Variants in SLC24A3 observed in about 807,000 individuals in gnomAD.
The protein encoded by SLC24A3 is solute carrier family 24 member 3, also known as sodium/potassium/calcium exchanger 3.
In SLC24A3, 28 loss-of-function variants were observed where a neutral mutation model predicts 75.8. The ratio of observed to expected loss-of-function variants is 0.37; its 90% confidence interval spans 0.27 to 0.51. The LOEUF (loss-of-function observed/expected upper bound fraction) is 0.51. SLC24A3 is among the 20% of genes least tolerant of loss of function. SLC24A3 has a pLI of 0.94. For synonymous variants in SLC24A3, 372 were observed against 334.1 expected, an observed-to-expected ratio of 1.11 and a Z score of -1.24; for missense variants, 663 against 847.8, an observed-to-expected ratio of 0.78 and a Z score of 2.71.
At chr20:19,421,707 GA>G (rs1172270746) in intron 2 of SLC24A3, among the ~76,000 whole-genome samples, 4 of 151,894 alleles carry the variant, frequency 2.6e-5, no homozygotes, top group South Asian at 2.1e-4. Flanking sequence ...GGGCAAAAAG[GA>G]AAAAAAAGTG....
At position 19,422,100 on chromosome 20, in the gene SLC24A3, C is replaced by T. The variant is rs186450298; in HGVS notation, c.272-93388C>T. 4.7e-3 allele frequency among the ~76,000 whole-genome samples: 718 copies of T among 152,058 alleles called. 7 individuals carry two copies. Among genetic ancestry groups the T allele is most frequent in the African/African-American group, 0.016 (683 of 41,470 alleles). On this transcript the variant is annotated intron_variant, in intron 2 of 16. Coordinates refer to ENST00000328041, the MANE Select transcript of SLC24A3 (RefSeq NM_020689.4). Reference sequence around the variant, plus strand: ...GTGCTGACTCTCTGGCAGTTCTGGTCGATCCTACTGAGTGTGTTCTCTGGC... The same window carrying T: ...GTGCTGACTCTCTGGCAGTTCTGGTTGATCCTACTGAGTGTGTTCTCTGGC...
chr20:19,669,501 C>CAA (rs750019488), intron 8 of SLC24A3, among the ~76,000 whole-genome samples: 1 of 120,598 alleles, frequency 8.3e-6, no homozygotes. Flanking sequence ...GACTCTGTCT[C>CAA]AAAAAAAAAA....
chr20:19,691,446 T>C (rs2032744169), intron 12 of SLC24A3, among the ~76,000 whole-genome samples: 1 of 152,146 alleles, frequency 6.6e-6, no homozygotes, highest in African/African-American at 2.4e-5. Context: ...GGCAGTGCCT[T>C]ACAGACCATG....
At chr20:19,515,404 C>T (rs575222008) in intron 2 of SLC24A3, 84 bp from the exon 3 acceptor site, 6 of 1,242,404 alleles carry the variant, frequency 4.8e-6, no homozygotes, top group African/African-American at 3.0e-5. Context: ...TCATGGACCC[C>T]ATGTTAAAAC....
intron 2 of SLC24A3, among the ~76,000 whole-genome samples, chr20:19,440,635 A>G (rs1987280703): frequency 7.0e-6 from 1 of 142,850 alleles, no homozygotes; most frequent in Non-Finnish European, 1.5e-5. Context: ...CCTGGAGGAG[A>G]GGCCTCACTG....
chr20:19,579,168 G>C (rs1269545258), intron 3 of SLC24A3, among the ~76,000 whole-genome samples: 3 of 152,170 alleles, frequency 2.0e-5, no homozygotes, highest in Non-Finnish European at 4.4e-5. Flanking sequence ...TGGATATTTG[G>C]ACAAAACTGG....
chr20:19,720,466 C>T (rs2033092603), intron 16 of SLC24A3, among the ~76,000 whole-genome samples: 1 of 152,134 alleles, frequency 6.6e-6, no homozygotes, highest in African/African-American at 2.4e-5. Flanking sequence ...GTGGGAAGAA[C>T]CGAGATTCCA....
In SLC24A3 at chr20:19,513,737, AG is replaced by A. The variant is rs1245873104; in HGVS notation, c.272-1750del. ...CACAGGTGGGTCTTGCTTTTTTTTTAGAAAAAAAAAAAAAGCCTTTTTGAGA... is the reference window on the plus strand; with the variant it reads ...CACAGGTGGGTCTTGCTTTTTTTTTAAAAAAAAAAAAAAGCCTTTTTGAGA... On this transcript the variant is annotated intron_variant, in intron 2 of 16. Coordinates refer to ENST00000328041, the MANE Select transcript of SLC24A3 (RefSeq NM_020689.4). 1.2e-3 allele frequency among the ~76,000 whole-genome samples: 99 copies of A among 84,354 alleles called. 1 individual carries two copies. The highest frequency in any genetic ancestry group is 3.9e-3 in the African/African-American group (70 of 17,874). 55.3% of individuals were successfully genotyped at this position (84,354 alleles called of 152,430 possible).
intron 2 of SLC24A3, among the ~76,000 whole-genome samples, chr20:19,419,683 T>A (rs1484761179): frequency 6.6e-5 from 10 of 152,108 alleles, no homozygotes; most frequent in Admixed American, 5.2e-4. Context: ...TTGCAGCAGC[T>A]GCCCTTTCCT....
At chr20:19,371,970 T>A (rs927810889) in intron 2 of SLC24A3, among the ~76,000 whole-genome samples, 22 of 152,222 alleles carry the variant, frequency 1.4e-4, no homozygotes, top group Middle Eastern at 3.4e-3. Context: ...TGAGGCAAGA[T>A]GGTAAATCCC....
chr20:19,247,434 T>C (rs1031411534), intron 1 of SLC24A3, among the ~76,000 whole-genome samples: 2 of 152,228 alleles, frequency 1.3e-5, no homozygotes, highest in South Asian at 4.1e-4. Context: ...TTTAGTGATC[T>C]ATGACTTTCT....
intron 2 of SLC24A3, among the ~76,000 whole-genome samples, chr20:19,492,760 A>C (rs1288696592): frequency 6.6e-6 from 1 of 152,144 alleles, no homozygotes; most frequent in Non-Finnish European, 1.5e-5. Context: ...ATAAGTGTGG[A>C]TATTTTTATA....
chr20:19,381,154 T>G (rs1426482951), intron 2 of SLC24A3, among the ~76,000 whole-genome samples: 1 of 152,210 alleles, frequency 6.6e-6, no homozygotes, highest in Non-Finnish European at 1.5e-5. Context: ...TTTAAAATAT[T>G]TATTCATTTA....
chr20:19,494,130 C>T (rs926623167), intron 2 of SLC24A3, among the ~76,000 whole-genome samples: 2 of 76 alleles, frequency 0.026, no homozygotes, highest in Non-Finnish European at 0.077. Context: ...GCCTCGGCCA[C>T]CAGGCCCCAT....
chr20:19,518,844 C>T (rs1349995665), intron 3 of SLC24A3, among the ~76,000 whole-genome samples: 1 of 152,214 alleles, frequency 6.6e-6, no homozygotes, highest in African/African-American at 2.4e-5. Context: ...GAAAAAGGCT[C>T]AGGGCCATTT....
intron 2 of SLC24A3, among the ~76,000 whole-genome samples, chr20:19,309,773 A>G (rs962881339): frequency 2.6e-5 from 4 of 152,132 alleles, no homozygotes; most frequent in African/African-American, 9.7e-5. Flanking sequence ...ATGGCCCTTT[A>G]TTGTTCATTT....
chr20:19,612,606 A>AG (rs1600302855), intron 6 of SLC24A3, among the ~76,000 whole-genome samples: 2 of 87,306 alleles, frequency 2.3e-5, no homozygotes, highest in African/African-American at 4.4e-5. Flanking sequence ...CCCTTAAGAA[A>AG]AGTGTGTGTG....
intron 6 of SLC24A3, among the ~76,000 whole-genome samples, chr20:19,635,083 A>C (rs1423427541): frequency 6.6e-6 from 1 of 152,194 alleles, no homozygotes; most frequent in East Asian, 1.9e-4. Flanking sequence ...TAGAGGATCT[A>C]TCTCTTTCTG....
At chr20:19,256,348 G>C (rs1363525561) in intron 1 of SLC24A3, among the ~76,000 whole-genome samples, 1 of 152,122 alleles carries the variant, frequency 6.6e-6, no homozygotes, top group Non-Finnish European at 1.5e-5. Flanking sequence ...ACAGGGAGTG[G>C]CTGCTAATGG....
Sources: gnomAD v4.1 joint callset for allele counts (sites outside exome capture counted in the v4.1 genomes callset) on GRCh38, gnomAD v4.1.1 for gene constraint, MANE v1.5 for transcripts, NCBI Gene and HGNC (gene_info 2026-07-23, HGNC 2026-07-21) for gene names.